Variants in TM9SF2 observed in about 807,000 individuals in gnomAD.
The protein encoded by TM9SF2 is transmembrane 9 superfamily member 2, also known as 76 kDa membrane protein.
A neutral mutation model predicts 84.9 loss-of-function variants in TM9SF2; 13 were observed. The ratio of observed to expected loss-of-function variants is 0.15; its 90% CI spans 0.10 to 0.24. The LOEUF is 0.24. Among genes scored for constraint, TM9SF2 ranks in the 10% least tolerant of loss-of-function variants. TM9SF2 has a pLI of 1.00. For synonymous variants in TM9SF2, 273 were observed against 285.8 expected, an observed-to-expected ratio of 0.96 and a Z score of 0.45; for missense variants, 562 against 818.5, an observed-to-expected ratio of 0.69 and a Z score of 3.82.
chr13:99,525,473 C>T (rs1343444536), intron 3 of TM9SF2, among the ~76,000 whole-genome samples: 3 of 151,960 alleles, frequency 2.0e-5, no homozygotes, highest in African/African-American at 4.8e-5. Context: ...AACTCCCGAC[C>T]TTAGGTGATC....
In TM9SF2 at chr13:99,529,556, C is replaced by G. The variant is rs769041635; in HGVS notation, c.423C>G (p.Phe141Leu). ...EKAEDKQKLE[F>L]LKKSMLLNYQ... is the part of the protein sequence containing the mutation. ...CTGAAGACAAACAAAAGTTAGAATT[C>G]TTGAAAAAAAGCATGTTATTGAATT... Residue 141 changes from phenylalanine to leucine, a missense_variant, in exon 4 of 17, where the codon TTC (phenylalanine) becomes TTG (leucine). Physicochemically the swap from Phe to Leu is conservative, Grantham distance 22. Around this residue, in one of 4 missense-constraint regions of TM9SF2, gnomAD observed 267 missense variants for 316.7 expected, o/e 0.84. Coordinates refer to ENST00000376387, the MANE Select transcript of TM9SF2 (RefSeq NM_004800.3). 1 of 1,585,396 alleles carries G rather than the reference C, an allele frequency of 6.3e-7. No homozygotes were observed. The highest frequency in any genetic ancestry group is 8.5e-7 in the Non-Finnish European group (1 of 1,169,994).
intron 3 of TM9SF2, among the ~76,000 whole-genome samples, chr13:99,526,431 T>C (rs2046183852): frequency 6.6e-6 from 1 of 152,128 alleles, no homozygotes; most frequent in African/African-American, 2.4e-5. Context: ...AGCTTGGAGT[T>C]TGAGCTTGCA....
chr13:99,506,623 A>G (rs537586748), intron 1 of TM9SF2, among the ~76,000 whole-genome samples: 9 of 152,378 alleles, frequency 5.9e-5, no homozygotes, highest in African/African-American at 1.9e-4. Flanking sequence ...GAAAGCAACA[A>G]AAGTCTATGA....
rs563995572 is a variant in TM9SF2 at position 99,519,253 on chromosome 13, G to A, written c.240-783G>A. 2.3e-3 allele frequency among the ~76,000 whole-genome samples: 350 copies of A among 149,516 alleles called. 1 individual carries two copies. Among genetic ancestry groups the A allele is most frequent in the Non-Finnish European group, 3.6e-3 (241 of 67,638 alleles). On this transcript the variant is annotated intron_variant, in intron 2 of 16. Transcript: ENST00000376387. ...TGGATATTCTTAGGAAAAGTCAGTG[G>A]ATCTGTGGAGAATCTTCATTTGGGA... is the stretch of plus-strand genomic sequence containing the variant.
intron 15 of TM9SF2, among the ~76,000 whole-genome samples, chr13:99,556,952 A>G (rs944679861): frequency 6.6e-5 from 10 of 152,086 alleles, no homozygotes; most frequent in Non-Finnish European, 2.9e-5. Flanking sequence ...GGGCATTTGT[A>G]TTGTTTCTAC....
At chr13:99,527,744 G>A (rs2046190283) in intron 3 of TM9SF2, among the ~76,000 whole-genome samples, 1 of 152,216 alleles carries the variant, frequency 6.6e-6, no homozygotes, top group East Asian at 1.9e-4. Flanking sequence ...AGCTGGTGGT[G>A]AGATACATAA....
intron 16 of TM9SF2, 53 bp downstream of exon 16, chr13:99,559,587 A>C: frequency 6.8e-7 from 1 of 1,471,972 alleles, no homozygotes; most frequent in Non-Finnish European, 9.1e-7. Flanking sequence ...TTAGACAAAT[A>C]ACTTATAAAT....
At chr13:99,536,872 T>A in intron 5 of TM9SF2, 135 bp downstream of exon 5, 2 of 923,134 alleles carry the variant, frequency 2.2e-6, no homozygotes, top group Non-Finnish European at 3.2e-6. Context: ...ACTACTTCAA[T>A]CTTAAACTTA....
At chr13:99,541,505 T>G in intron 8 of TM9SF2, 54 bp from the exon 9 acceptor site, 1 of 1,323,190 alleles carries the variant, frequency 7.6e-7, no homozygotes, top group Non-Finnish European at 1.1e-6. Flanking sequence ...TAAAAGAGTT[T>G]TACTGTTCCT....
chr13:99,504,179 C>G (rs914505316), intron 1 of TM9SF2, among the ~76,000 whole-genome samples: 1 of 152,152 alleles, frequency 6.6e-6, no homozygotes, highest in African/African-American at 2.4e-5. Context: ...ATAATTTATT[C>G]TCATCTATTT....
intron 1 of TM9SF2, among the ~76,000 whole-genome samples, chr13:99,513,194 A>G (rs181876940): frequency 6.6e-6 from 1 of 152,348 alleles, no homozygotes; most frequent in African/African-American, 2.4e-5. Flanking sequence ...TAACAGTGTT[A>G]TTCTATACTT....
intron 4 of TM9SF2, among the ~76,000 whole-genome samples, chr13:99,533,483 G>C (rs1013851826): frequency 6.6e-6 from 1 of 152,088 alleles, no homozygotes; most frequent in African/African-American, 2.4e-5. Context: ...TTCAGGTCAA[G>C]TAACATTGTA....
chr13:99,545,800 C>T (rs955859094), intron 10 of TM9SF2, among the ~76,000 whole-genome samples: 2 of 152,086 alleles, frequency 1.3e-5, no homozygotes, highest in Non-Finnish European at 2.9e-5. Context: ...CTCTCAACCT[C>T]GTGATCCGCC....
At chr13:99,516,936 G>A (rs2046137118) in intron 1 of TM9SF2, among the ~76,000 whole-genome samples, 1 of 152,080 alleles carries the variant, frequency 6.6e-6, no homozygotes, top group Non-Finnish European at 1.5e-5. Context: ...AAAAATTTTT[G>A]TGCTGCAGAG....
chr13:99,529,337 A>G, intron 3 of TM9SF2, 130 bp from the exon 4 acceptor site: 1 of 772,484 alleles, frequency 1.3e-6, no homozygotes, highest in Non-Finnish European at 1.8e-6. Context: ...GAATTTAAAA[A>G]TTTATTTATT....
At chr13:99,527,081 A>G (rs559306199) in intron 3 of TM9SF2, among the ~76,000 whole-genome samples, 1 of 152,300 alleles carries the variant, frequency 6.6e-6, no homozygotes, top group East Asian at 1.9e-4. Context: ...CTGGTGACAC[A>G]TGAGTTTCAG....
chr13:99,517,578 T>G, intron 1 of TM9SF2, 36 bp from the exon 2 acceptor site: 1 of 1,440,584 alleles, frequency 6.9e-7, no homozygotes, highest in Non-Finnish European at 9.5e-7. Context: ...TGTGTCCTGT[T>G]GTTTATATTC....
At chr13:99,557,110 CTT>C (rs1431700550) in intron 15 of TM9SF2, among the ~76,000 whole-genome samples, 1 of 152,138 alleles carries the variant, frequency 6.6e-6, no homozygotes, top group East Asian at 1.9e-4. Context: ...AACTACCAAA[CTT>C]TTCCACAGTG....
intron 3 of TM9SF2, among the ~76,000 whole-genome samples, chr13:99,524,579 G>A (rs893202283): frequency 6.6e-6 from 1 of 151,960 alleles, no homozygotes; most frequent in Non-Finnish European, 1.5e-5. Context: ...GTATATATTT[G>A]AGAATCATCA....
Sources: gnomAD v4.1 joint callset for allele counts (sites outside exome capture counted in the v4.1 genomes callset) on GRCh38, gnomAD v4.1.1 for gene constraint, gnomAD v4.1.1 regional missense constraint, MANE v1.5 for transcripts, NCBI Gene and HGNC (gene_info 2026-07-23, HGNC 2026-07-21) for gene names.